Variants in BCL2 observed in about 807,000 individuals in gnomAD.
The protein encoded by BCL2 is BCL2 apoptosis regulator, also known as apoptosis regulator Bcl-2.
In BCL2, 1 loss-of-function variant was observed where a neutral mutation model predicts 14.2. That is an observed-to-expected ratio of 0.07 (90% CI 0.02 to 0.33). The LOEUF is 0.33. Among genes scored for constraint, BCL2 ranks in the 10% least tolerant of loss-of-function variants. The pLI is 0.99. For missense variants in BCL2, 247 were observed against 305.9 expected (o/e 0.81, Z 1.44); for synonymous variants, 151 against 137.2 (o/e 1.10, Z -0.70).
intron 2 of BCL2, among the ~76,000 whole-genome samples, chr18:63,280,770 A>C (rs1216452221): frequency 6.6e-6 from 1 of 152,218 alleles, no homozygotes; most frequent in Admixed American, 6.5e-5. Flanking sequence ...GGAAAACAGT[A>C]TGATGGTTCC....
At chr18:63,302,934 T>G (rs777565048) in intron 2 of BCL2, 6 of 957,958 alleles carry the variant, frequency 6.3e-6, no homozygotes, top group Non-Finnish European at 7.5e-6. Context: ...TAACTCTCCC[T>G]TGATACGCCC....
chr18:63,281,267 T>C lies in BCL2; in HGVS notation c.585+36815A>G, dbSNP rs138509549. Among the ~76,000 whole-genome samples, 118 of 152,246 alleles carry C rather than the reference T, an allele frequency of 7.8e-4. No homozygotes were observed. In the Middle Eastern group the frequency reaches 0.01, roughly 13 times the overall value. On this transcript the variant is annotated intron_variant, in intron 2 of 2. Coordinates refer to ENST00000333681, the MANE Select transcript of BCL2 (RefSeq NM_000633.3). The stretch of plus-strand genomic sequence containing the variant: ...AAATGGTGGTGATGGATGCATGACA[T>C]TGTGAAGAAACTTCATGCCACTAAG...
In BCL2 at chr18:63,235,070, T is replaced by C. The variant is rs569096376; in HGVS notation, c.585+83012A>G. Reference sequence around the variant, plus strand: ...AAATCCTGACTACTCGGTATGCAAATGAAAATATGCTCAACCTCACTGGTA... The same window carrying C: ...AAATCCTGACTACTCGGTATGCAAACGAAAATATGCTCAACCTCACTGGTA... On this transcript the variant is annotated intron_variant, in intron 2 of 2. Coordinates refer to ENST00000333681, the MANE Select transcript of BCL2 (RefSeq NM_000633.3). Among the ~76,000 whole-genome samples, 6 of 152,104 alleles carry C rather than the reference T, an allele frequency of 3.9e-5. No homozygotes were observed. The South Asian group carries it at 6.2e-4, about 16-fold the overall frequency.
chr18:63,187,262 G>C (rs1229181461), intron 2 of BCL2, among the ~76,000 whole-genome samples: 2 of 152,138 alleles, frequency 1.3e-5, no homozygotes, highest in Non-Finnish European at 2.9e-5. Flanking sequence ...TTTATTTTAG[G>C]AATGTTTTTG....
At chr18:63,237,150 C>T (rs748784464) in intron 2 of BCL2, among the ~76,000 whole-genome samples, 2 of 152,120 alleles carry the variant, frequency 1.3e-5, no homozygotes, top group African/African-American at 4.8e-5. Flanking sequence ...TATACCACGA[C>T]CCCTCTCCCA....
intron 2 of BCL2, among the ~76,000 whole-genome samples, chr18:63,223,466 C>T (rs1173014318): frequency 6.6e-6 from 1 of 152,098 alleles, no homozygotes; most frequent in Non-Finnish European, 1.5e-5. Context: ...ATCCCTGGAT[C>T]CTTTCCTTGA....
intron 2 of BCL2, among the ~76,000 whole-genome samples, chr18:63,291,049 A>AAC (rs1912629933): frequency 6.6e-6 from 1 of 152,192 alleles, no homozygotes; most frequent in African/African-American, 2.4e-5. Flanking sequence ...GCCTGACTTC[A>AAC]ACACCCGGCA....
intron 2 of BCL2, 32 bp from the exon 3 acceptor site, chr18:63,128,791 A>G (rs1197199850): frequency 2.6e-6 from 2 of 768,558 alleles, no homozygotes; most frequent in Non-Finnish European, 4.9e-6. Context: ...GAAGAAAAAG[A>G]AAGAGTATTA....
intron 2 of BCL2, among the ~76,000 whole-genome samples, chr18:63,279,832 G>T (rs1912258989): frequency 6.6e-6 from 1 of 152,180 alleles, no homozygotes; most frequent in Non-Finnish European, 1.5e-5. Context: ...TCATCTACAT[G>T]AAGTTAAATA....
chr18:63,298,715 A>C (rs776813693), intron 2 of BCL2, among the ~76,000 whole-genome samples: 12 of 152,232 alleles, frequency 7.9e-5, no homozygotes, highest in African/African-American at 1.2e-4. Context: ...TTTTCATTAC[A>C]AAACTAGTTT....
chr18:63,124,834 G>A lies in BCL2; in HGVS notation c.*3791C>T, dbSNP rs1913869024. On this transcript the variant is annotated 3_prime_UTR_variant, in exon 3 of 3. Coordinates refer to ENST00000333681, the MANE Select transcript of BCL2 (RefSeq NM_000633.3). ...CTCCCTAATTTCCTTAGAATGGCTTGTATTTCGAGCCTTTCCTGTTTTTCT... is the reference window on the plus strand; with the variant it reads ...CTCCCTAATTTCCTTAGAATGGCTTATATTTCGAGCCTTTCCTGTTTTTCT... The A allele has an allele frequency of 8.8e-6, 2 of 228,340 alleles. No homozygotes were observed. Among genetic ancestry groups the A allele is most frequent in the African/African-American group, 2.2e-5 (1 of 45,140 alleles). 14.1% of individuals were successfully genotyped at this position (228,340 alleles called of 1,614,324 possible).
intron 2 of BCL2, among the ~76,000 whole-genome samples, chr18:63,199,337 ACACACAGG>A (rs1241969607): frequency 6.6e-6 from 1 of 151,236 alleles, no homozygotes; most frequent in African/African-American, 2.4e-5. Context: ...CACACACAAG[ACACACAGG>A]CACACAGACA....
At chr18:63,215,237 G>A (rs774567545) in intron 2 of BCL2, among the ~76,000 whole-genome samples, 57 of 152,272 alleles carry the variant, frequency 3.7e-4, no homozygotes, top group Non-Finnish European at 6.8e-4. Context: ...GTAGAAATAC[G>A]AATCACCATG....
chr18:63,312,567 A>G (rs1305326905), intron 2 of BCL2, among the ~76,000 whole-genome samples: 8 of 152,238 alleles, frequency 5.3e-5, no homozygotes. Context: ...AAAAGTCCGA[A>G]GGCAAATGCC....
At chr18:63,163,525 T>C (rs143771746) in intron 2 of BCL2, among the ~76,000 whole-genome samples, 187 of 152,296 alleles carry the variant, frequency 1.2e-3, no homozygotes, top group African/African-American at 4.2e-3. Context: ...AAAGGTGTAA[T>C]AAGCAAGGTC....
chr18:63,229,856 G>T (rs1396780609), intron 2 of BCL2, among the ~76,000 whole-genome samples: 1 of 152,198 alleles, frequency 6.6e-6, no homozygotes, highest in African/African-American at 2.4e-5. Context: ...CCTCCTGCAA[G>T]GATGGGTGCC....
intron 2 of BCL2, among the ~76,000 whole-genome samples, chr18:63,169,295 TCTTTCTTTCTTTCTTC>T (rs776264832): frequency 0.047 from 4,369 of 93,110 alleles, 410 homozygotes; most frequent in Middle Eastern, 0.083. Flanking sequence ...TTTCTTTCTT[TCTTTCTTTCTTTCTTC>T]CTTCCTTCCT....
intron 2 of BCL2, among the ~76,000 whole-genome samples, chr18:63,213,578 A>ACACG (rs1910112251): frequency 6.6e-6 from 1 of 150,740 alleles, no homozygotes; most frequent in Non-Finnish European, 1.5e-5. Context: ...ACACACACAC[A>ACACG]CTATGAAAAT....
intron 2 of BCL2, among the ~76,000 whole-genome samples, chr18:63,152,188 G>A (rs72941375): frequency 0.013 from 1,933 of 152,320 alleles, 24 homozygotes; most frequent in Non-Finnish European, 0.019. Context: ...GTCATAAATA[G>A]ACATCAAGGA....
Sources: gnomAD v4.1 joint callset for allele counts (sites outside exome capture counted in the v4.1 genomes callset) on GRCh38, gnomAD v4.1.1 for gene constraint, MANE v1.5 for transcripts, NCBI Gene and HGNC (gene_info 2026-07-23, HGNC 2026-07-21) for gene names.